BORCS5: variants seen among roughly 807,000 people sequenced by gnomAD.
The protein encoded by BORCS5 is BLOC-1-related complex subunit 5.
BORCS5 carries 17 observed loss-of-function variants against 22.1 expected under a neutral mutation model. The ratio of observed to expected loss-of-function variants is 0.77; its 90% CI spans 0.53 to 1.15. The LOEUF (loss-of-function observed/expected upper bound fraction) is 1.15, where lower values mean the gene tolerates loss of function less well. Among genes scored for constraint, BORCS5 ranks in the 50% most tolerant of loss-of-function variants. The pLI is 0.00. For missense variants in BORCS5, 247 were observed against 253.2 expected (o/e 0.98, Z 0.17); for synonymous variants, 117 against 99.8 (o/e 1.17, Z -1.03).
At chr12:12,420,672 C>T (rs34026123) in intron 2 of BORCS5, among the ~76,000 whole-genome samples, 12 of 152,054 alleles carry the variant, frequency 7.9e-5, no homozygotes, top group African/African-American at 2.4e-4. Flanking sequence ...TCTTTGTATC[C>T]GTGAGCATGG....
chr12:12,457,337 C>T (rs1943015466), intron 3 of BORCS5, among the ~76,000 whole-genome samples: 1 of 152,328 alleles, frequency 6.6e-6, no homozygotes, highest in Non-Finnish European at 1.5e-5. Flanking sequence ...ATGCTACTGT[C>T]GTTATCCATA....
intron 3 of BORCS5, among the ~76,000 whole-genome samples, chr12:12,454,268 A>G (rs1942962360): frequency 6.6e-6 from 1 of 152,212 alleles, no homozygotes; most frequent in South Asian, 2.1e-4. Flanking sequence ...TGCTCTTCAA[A>G]ATGACTGTCC....
chr12:12,429,986 C>T (rs143254629), intron 2 of BORCS5, among the ~76,000 whole-genome samples: 13 of 152,204 alleles, frequency 8.5e-5, no homozygotes, highest in Middle Eastern at 6.8e-3. Context: ...TAGACTTATG[C>T]TTTCCTTGGA....
At chr12:12,459,352 C>T (rs1408677078) in intron 3 of BORCS5, among the ~76,000 whole-genome samples, 1 of 151,198 alleles carries the variant, frequency 6.6e-6, no homozygotes. Flanking sequence ...CTCTTGTTGC[C>T]CAGGCTGGAG....
At position 12,435,689 on chromosome 12, in the gene BORCS5, G is replaced by A; in HGVS notation, c.264G>A (p.Gln88=). The A allele has an allele frequency of 1.2e-6, 2 of 1,614,098 alleles. No homozygotes were observed. The highest frequency in any genetic ancestry group is 1.7e-6 in the Non-Finnish European group (2 of 1,179,994). ...NAKLEKLDSQ[Q]VLQLCLRYQD... ...AATTGGAGAAACTGGACTCTCAGCA[G>A]GTGTTGCAGCTCTGCCTCCGATATC... The change falls in exon 3 of 4, where the codon CAG becomes CAA. Residue 88 remains glutamine, a synonymous_variant. Transcript: ENST00000314565.
chr12:12,432,521 G>A (rs1277379775), intron 2 of BORCS5, among the ~76,000 whole-genome samples: 2 of 152,140 alleles, frequency 1.3e-5, no homozygotes, highest in South Asian at 2.1e-4. Flanking sequence ...GCATTCTTGG[G>A]CATTTATCCC....
chr12:12,420,363 T>G (rs904022500), intron 2 of BORCS5, among the ~76,000 whole-genome samples: 1 of 152,152 alleles, frequency 6.6e-6, no homozygotes, highest in South Asian at 2.1e-4. Flanking sequence ...TGTAGATGTG[T>G]GGTGTTATTT....
At chr12:12,417,719 G>A (rs1942006151) in intron 2 of BORCS5, among the ~76,000 whole-genome samples, 2 of 151,966 alleles carry the variant, frequency 1.3e-5, no homozygotes, top group Admixed American at 6.6e-5. Flanking sequence ...GCAGTAGCGA[G>A]ATCTTGGCTC....
chr12:12,427,104 A>G (rs778060459), intron 2 of BORCS5, among the ~76,000 whole-genome samples: 2 of 152,078 alleles, frequency 1.3e-5, no homozygotes, highest in Non-Finnish European at 2.9e-5. Flanking sequence ...CGAAGGAATC[A>G]ATCACTAACG....
intron 2 of BORCS5, among the ~76,000 whole-genome samples, chr12:12,372,758 G>A (rs1322102859): frequency 6.6e-6 from 1 of 152,086 alleles, no homozygotes; most frequent in Non-Finnish European, 1.5e-5. Context: ...GAGCTCTTCA[G>A]AAAATATTTG....
intron 2 of BORCS5, among the ~76,000 whole-genome samples, chr12:12,417,309 T>C (rs372914135): frequency 3.3e-5 from 5 of 152,326 alleles, no homozygotes; most frequent in African/African-American, 1.2e-4. Flanking sequence ...CTTCATTCTA[T>C]TGTGGTGGAA....
At chr12:12,366,406 A>G (rs1210333375) in intron 2 of BORCS5, among the ~76,000 whole-genome samples, 2 of 152,236 alleles carry the variant, frequency 1.3e-5, no homozygotes, top group African/African-American at 4.8e-5. Context: ...CTTTGGCCTT[A>G]ACCCTTTTGC....
intron 2 of BORCS5, among the ~76,000 whole-genome samples, chr12:12,414,237 G>T (rs1941844161): frequency 1.2e-5 from 1 of 80,718 alleles, no homozygotes; most frequent in Non-Finnish European, 2.7e-5. Flanking sequence ...CCCGGACGGG[G>T]CGGCTGGCCG....
intron 2 of BORCS5, among the ~76,000 whole-genome samples, chr12:12,368,548 G>T (rs1231616593): frequency 6.6e-6 from 1 of 151,424 alleles, no homozygotes; most frequent in Admixed American, 6.6e-5. Flanking sequence ...GGGCACAAAT[G>T]ATCTTCCAAC....
At chr12:12,431,661 A>G (rs1163031998) in intron 2 of BORCS5, among the ~76,000 whole-genome samples, 1 of 151,648 alleles carries the variant, frequency 6.6e-6, no homozygotes, top group Admixed American at 6.6e-5. Flanking sequence ...CGGCTTCCCA[A>G]AGTGCTGGGA....
chr12:12,461,834 G>C (rs764724719), intron 3 of BORCS5, among the ~76,000 whole-genome samples: 2 of 152,228 alleles, frequency 1.3e-5, no homozygotes, highest in Non-Finnish European at 2.9e-5. Flanking sequence ...ACTTGGTCAT[G>C]TGTCACGGCA....
intron 2 of BORCS5, among the ~76,000 whole-genome samples, chr12:12,383,352 G>A (rs1417800314): frequency 1.3e-5 from 2 of 151,288 alleles, no homozygotes; most frequent in Non-Finnish European, 3.0e-5. Flanking sequence ...AAAACACAGT[G>A]TCATAGTTAC....
Position 12,357,472 on chromosome 12 carries a change from C to G in BORCS5, c.21C>G (p.Ser7=). 6.2e-7 allele frequency: 1 copy of G among 1,611,162 alleles called. No individual in the cohort carries two copies. Among genetic ancestry groups the G allele is most frequent in the Non-Finnish European group, 8.5e-7 (1 of 1,177,662 alleles). ...GCACCATGGGCAGTGAGCAGAGCTCCGAGGCCGAGAGCCGACCCAACGATC... is the reference window on the plus strand; with the variant it reads ...GCACCATGGGCAGTGAGCAGAGCTCGGAGGCCGAGAGCCGACCCAACGATC... MGSEQS[S]EAESRPNDLN... Residue 7 remains serine (S), a synonymous_variant, in exon 1 of 4, where the codon TCC becomes TCG. Transcript: ENST00000314565.
chr12:12,466,011 G>A lies in BORCS5; in HGVS notation c.*235G>A, dbSNP rs532379684. 39 of 486,946 alleles carry A rather than the reference G, an allele frequency of 8.0e-5. No individual in the cohort carries two copies. The highest frequency in any genetic ancestry group is 1.3e-4 in the Non-Finnish European group (35 of 276,120). The allele number at this position is 486,946 out of a possible 1,614,324, so 30.2% of individuals were successfully genotyped here. A position where few individuals can be genotyped will look rare whatever the true frequency, so the allele number is the denominator to read the frequency against. On this transcript the variant is annotated 3_prime_UTR_variant, in exon 4 of 4. Transcript: ENST00000314565. ...TCTCGGTGATAACTGAAGCTGGAACGTGTGAATTATTAGGAATTCTTTGAA... is the reference window on the plus strand; with the variant it reads ...TCTCGGTGATAACTGAAGCTGGAACATGTGAATTATTAGGAATTCTTTGAA...
Sources: allele counts gnomAD v4.1 joint callset (sites outside exome capture counted in the v4.1 genomes callset), GRCh38; gene constraint gnomAD v4.1.1; transcripts MANE v1.5; gene names NCBI Gene and HGNC (gene_info 2026-07-23, HGNC 2026-07-21).